PATL2: variants seen among roughly 807,000 people sequenced by gnomAD.
PATL2 encodes the protein PAT1 homolog 2, also known as protein PAT1 homolog 2.
In PATL2, 73 loss-of-function variants were observed where a neutral mutation model predicts 77.0. The observed-to-expected ratio is 0.95, with a 90% CI of 0.78 to 1.15. The LOEUF (loss-of-function observed/expected upper bound fraction) is 1.15, where lower values mean the gene tolerates loss of function less well. Among genes scored for constraint, PATL2 ranks in the 50% most tolerant of loss-of-function variants. The pLI is 0.00. For missense variants in PATL2, 618 were observed against 655.4 expected, an observed-to-expected ratio of 0.94 and a Z score of 0.62; for synonymous variants, 265 against 257.1, an observed-to-expected ratio of 1.03 and a Z score of -0.29.
At chr15:44,666,804 G>T in intron 16 of PATL2, 1 of 519,562 alleles carries the variant, frequency 1.9e-6, no homozygotes, top group South Asian at 2.8e-5. Context: ...TAAGAGAAGT[G>T]AGAAGTGAAA....
chr15:44,685,571 G>T (rs555753609), intron 3 of PATL2, among the ~76,000 whole-genome samples: 1 of 151,438 alleles, frequency 6.6e-6, no homozygotes, highest in South Asian at 2.1e-4. Context: ...TTGCGCCTTT[G>T]CATTCCAGCC....
chr15:44,686,634 A>G (rs1037990258), intron 3 of PATL2, among the ~76,000 whole-genome samples: 5 of 152,138 alleles, frequency 3.3e-5, no homozygotes, highest in African/African-American at 1.2e-4. Flanking sequence ...TTTTTTTGAA[A>G]AGATCAATAA....
At chr15:44,710,070 C>G (rs1478011766) in intron 3 of PATL2, among the ~76,000 whole-genome samples, 26 bp downstream of exon 3, 1 of 152,162 alleles carries the variant, frequency 6.6e-6, no homozygotes, top group Non-Finnish European at 1.5e-5. Context: ...AATTATAGCG[C>G]TTATTAAACA....
intron 3 of PATL2, among the ~76,000 whole-genome samples, chr15:44,701,965 A>T (rs2141265265): frequency 6.6e-6 from 1 of 152,154 alleles, no homozygotes; most frequent in East Asian, 1.9e-4. Context: ...TATTGTGAGG[A>T]CAGCACCAAG....
intron 9 of PATL2, among the ~76,000 whole-genome samples, chr15:44,671,038 A>C (rs2085646968): frequency 6.6e-6 from 1 of 152,258 alleles, no homozygotes; most frequent in South Asian, 2.1e-4. Context: ...AAGCAATGCC[A>C]AAAAGGCAAG....
In PATL2 at chr15:44,676,458, G is replaced by A. The variant is rs749173167; in HGVS notation, c.16+17C>T. 35 of 1,542,222 alleles carry A rather than the reference G, an allele frequency of 2.3e-5. No homozygotes were observed. In the South Asian group the frequency reaches 3.2e-4, roughly 14 times the overall value. ...GCTGGGGCATTTTATATAACATCACGGCCCACTTGTTGATACCTTCAAGGC... is the reference window on the plus strand; with the variant it reads ...GCTGGGGCATTTTATATAACATCACAGCCCACTTGTTGATACCTTCAAGGC... On this transcript the variant is annotated intron_variant, in intron 4 of 17. Coordinates refer to ENST00000682850, the MANE Select transcript of PATL2 (RefSeq NM_001387263.1).
chr15:44,675,944 G>T (rs1222517644), intron 4 of PATL2: 2 of 468,054 alleles, frequency 4.3e-6, no homozygotes, highest in Non-Finnish European at 3.8e-6. Flanking sequence ...TTACTTGGGA[G>T]GCCAAGGCGG....
chr15:44,668,372 C>T lies in PATL2; in HGVS notation c.1335G>A (p.Glu445=). ...GLTLLPPGSS[E]RPVTVVLQNQ... ...TCTGAAGCACCACGGTGACTGGCCG[C>T]TCTGAGGAGCCAGGTGGCAACAGCG... The change falls in exon 15 of 18, where the codon GAG becomes GAA. Residue 445 remains glutamate (E), a synonymous_variant. Coordinates refer to ENST00000682850, the MANE Select transcript of PATL2 (RefSeq NM_001387263.1). The T allele has an allele frequency of 6.4e-7, 1 of 1,551,040 alleles. No homozygotes were observed. Among genetic ancestry groups the T allele is most frequent in the Non-Finnish European group, 8.7e-7 (1 of 1,146,898 alleles).
chr15:44,681,884 T>C (rs1204593255), intron 3 of PATL2, among the ~76,000 whole-genome samples: 2 of 152,226 alleles, frequency 1.3e-5, no homozygotes, highest in African/African-American at 4.8e-5. Flanking sequence ...ACCAGTCTCC[T>C]ATCTTAAAGT....
In PATL2 at chr15:44,696,069, TGGA is replaced by T. The variant is rs145770810; in HGVS notation, c.-76+14024_-76+14026del. On this transcript the variant is annotated intron_variant, in intron 3 of 17. Transcript: ENST00000682850. ...TTTGTCAAAAGGGAAAAAGAATATT[TGGA>T]GGAGAATGTTGATTTTTTAATAGTG... Among the ~76,000 whole-genome samples, 7 of 152,294 alleles carry T rather than the reference TGGA, an allele frequency of 4.6e-5. No individual in the cohort carries two copies. In the East Asian group the frequency reaches 1.3e-3, roughly 29 times the overall value.
chr15:44,670,631 A>G (rs188058050), intron 9 of PATL2, among the ~76,000 whole-genome samples: 67 of 152,338 alleles, frequency 4.4e-4, no homozygotes, highest in African/African-American at 1.6e-3. Context: ...CACATACCAA[A>G]TACTTAAAGA....
Position 44,675,701 on chromosome 15 carries a change from A to C in PATL2, c.17-10T>G. ...CAGGTCTTACCTGGCCCTTGGTTTA[A>C]GTGTGGGCCAGAGGAGAAGGTAAGA... is the stretch of plus-strand genomic sequence containing the variant. On this transcript the variant is annotated splice_polypyrimidine_tract_variant and intron_variant, in intron 4 of 17. Coordinates refer to ENST00000682850, the MANE Select transcript of PATL2 (RefSeq NM_001387263.1). The C allele has an allele frequency of 3.2e-6, 5 of 1,541,314 alleles. No homozygotes were observed. Among genetic ancestry groups the C allele is most frequent in the Non-Finnish European group, 3.5e-6 (4 of 1,141,912 alleles).
intron 3 of PATL2, among the ~76,000 whole-genome samples, chr15:44,686,766 A>T (rs1407005434): frequency 2.0e-5 from 3 of 152,250 alleles, no homozygotes; most frequent in Admixed American, 6.5e-5. Flanking sequence ...ATCAGAGAAT[A>T]CTATAAAAAC....
At chr15:44,671,411 C>T (rs2085668212) in intron 9 of PATL2, among the ~76,000 whole-genome samples, 1 of 151,990 alleles carries the variant, frequency 6.6e-6, no homozygotes, top group South Asian at 2.1e-4. Context: ...ATCACCTGAA[C>T]CCTGGAGGTG....
intron 3 of PATL2, among the ~76,000 whole-genome samples, chr15:44,709,766 A>G (rs2086814705): frequency 6.6e-6 from 1 of 152,210 alleles, no homozygotes; most frequent in African/African-American, 2.4e-5. Context: ...TTGGTTTTCC[A>G]AGTGAGTAAA....
chr15:44,698,871 AG>A (rs1452949138), intron 3 of PATL2, among the ~76,000 whole-genome samples: 1 of 152,172 alleles, frequency 6.6e-6, no homozygotes, highest in Non-Finnish European at 1.5e-5. Context: ...CAGTGTATGA[AG>A]GTTCCCCTTT....
At chr15:44,702,391 G>A (rs1212671740) in intron 3 of PATL2, among the ~76,000 whole-genome samples, 3 of 146,876 alleles carry the variant, frequency 2.0e-5, no homozygotes, top group Admixed American at 6.8e-5. Context: ...TTTTCTTAGC[G>A]AGTCTGGCTA....
intron 3 of PATL2, among the ~76,000 whole-genome samples, chr15:44,686,749 A>G (rs557147312): frequency 5.3e-5 from 8 of 152,348 alleles, no homozygotes; most frequent in Middle Eastern, 3.4e-3. Context: ...CAGAAATACA[A>G]ACTAGCATCA....
At chr15:44,703,723 CTTTTTTTTTTTTTTTTTT>C (rs933165876) in intron 3 of PATL2, among the ~76,000 whole-genome samples, 2 of 33,012 alleles carry the variant, frequency 6.1e-5, no homozygotes, top group South Asian at 1.4e-3. Context: ...CCGGGTCTTG[CTTTTTTTTTTTTTTTTTT>C]TTTTTTTTTT....
Sources: allele counts gnomAD v4.1 joint callset (sites outside exome capture counted in the v4.1 genomes callset), GRCh38; gene constraint gnomAD v4.1.1; transcripts MANE v1.5; gene names NCBI Gene and HGNC (gene_info 2026-07-23, HGNC 2026-07-21).